Variants in DYRK3 observed in about 807,000 individuals in gnomAD.
The protein encoded by DYRK3 is dual specificity tyrosine-phosphorylation-regulated kinase 3.
DYRK3 carries 30 observed loss-of-function variants against 40.8 expected under a neutral mutation model. The observed-to-expected ratio is 0.74, with a 90% CI of 0.55 to 1.00. The LOEUF (loss-of-function observed/expected upper bound fraction) is 1.00, where lower values mean the gene tolerates loss of function less well. Ranked by LOEUF, DYRK3 falls within the 50% of genes least tolerant of loss-of-function variation. The probability of loss-of-function intolerance (pLI) is 0.00; values close to 1 mark genes in which losing one functional copy is unlikely to be tolerated. For synonymous variants in DYRK3, 272 were observed against 260.7 expected (o/e 1.04, Z -0.42); for missense variants, 699 against 731.5 (o/e 0.96, Z 0.51).
chr1:206,635,693 C>A lies in DYRK3; in HGVS notation c.-11C>A. ...TGGCGCCTCTCCCCGCGCGGGGTCC[C>A]GAGCTAGGAGATGGGAGGCACAGCT... On this transcript the variant is annotated 5_prime_UTR_variant, in exon 1 of 3. Coordinates refer to ENST00000367109, the MANE Select transcript of DYRK3 (RefSeq NM_003582.4). 8.0e-7 allele frequency: 1 copy of A among 1,246,038 alleles called. No individual in the cohort carries two copies. Among genetic ancestry groups the A allele is most frequent in the East Asian group, 3.2e-5 (1 of 31,732 alleles). 77.2% of individuals were successfully genotyped at this position (1,246,038 alleles called of 1,614,324 possible).
In DYRK3 at chr1:206,648,685, T is replaced by C. The variant is rs201089459; in HGVS notation, c.1487T>C (p.Ile496Thr). 6.2e-7 allele frequency: 1 copy of C among 1,614,054 alleles called. No homozygotes were observed. The highest frequency in any genetic ancestry group is 8.5e-7 in the Non-Finnish European group (1 of 1,179,958). The change falls in exon 3 of 3, where the codon ATA becomes ACA. Residue 496 changes from isoleucine (I) to threonine (T), a missense_variant. Ile to Thr is a moderately conservative substitution (Grantham distance 89). Coordinates refer to ENST00000367109, the MANE Select transcript of DYRK3 (RefSeq NM_003582.4). ...ALKGCDDYLF[I>T]EFLKRCLHWD... ...AAAGGGTGTGATGACTACTTGTTTA[T>C]AGAGTTCTTGAAAAGGTGTCTTCAC...
At chr1:206,645,093 T>C (rs1283358537) in intron 2 of DYRK3, among the ~76,000 whole-genome samples, 1 of 152,254 alleles carries the variant, frequency 6.6e-6, no homozygotes, top group Non-Finnish European at 1.5e-5. Flanking sequence ...GCAGGACTTT[T>C]ATAACTGAAT....
At position 206,650,532 on chromosome 1, in the gene DYRK3, ACT is replaced by A. The variant is rs1381879688; in HGVS notation, c.*1570_*1571del. Among the ~76,000 whole-genome samples, 2 of 152,178 alleles carry A rather than the reference ACT, an allele frequency of 1.3e-5. No individual in the cohort carries two copies. The highest frequency in any genetic ancestry group is 2.9e-5 in the Non-Finnish European group (2 of 68,034). On this transcript the variant is annotated 3_prime_UTR_variant, in exon 3 of 3. Transcript: ENST00000367109. ...ACTCCAGCCTAGGCAACAGAGTGAG[ACT>A]CTGTCTAAAAAACAAACCAAAAAAA...
In DYRK3 at chr1:206,649,037, T is replaced by C; in HGVS notation, c.*72T>C. ...CTTACAAACCTGCAAATGGAAAAAA[T>C]GCAAGCCCATTGGTGGATGTTTTTG... is the stretch of plus-strand genomic sequence containing the variant. On this transcript the variant is annotated 3_prime_UTR_variant, in exon 3 of 3. Transcript: ENST00000367109. 6.9e-7 allele frequency: 1 copy of C among 1,446,476 alleles called. No homozygotes were observed. The highest frequency in any genetic ancestry group is 9.2e-7 in the Non-Finnish European group (1 of 1,087,280). 89.6% of individuals were successfully genotyped at this position (1,446,476 alleles called of 1,614,324 possible).
intron 2 of DYRK3, among the ~76,000 whole-genome samples, chr1:206,645,719 G>T (rs1047635621): frequency 1.7e-4 from 26 of 151,272 alleles, no homozygotes; most frequent in African/African-American, 4.6e-4. Flanking sequence ...TAGAGGTGGG[G>T]TTTTGCCATG....
In DYRK3 at chr1:206,652,059, G is replaced by A. The variant is rs1337367035; in HGVS notation, c.*3094G>A. ...TCCAAGAGTGAATGCATTGGCCTTT[G>A]GAACTGCTGCTAAAGCCATGTGTGG... On this transcript the variant is annotated 3_prime_UTR_variant, in exon 3 of 3. Transcript: ENST00000367109. 6.6e-6 allele frequency among the ~76,000 whole-genome samples: 1 copy of A among 152,160 alleles called. No homozygotes were observed. The highest frequency in any genetic ancestry group is 1.5e-5 in the Non-Finnish European group (1 of 68,026).
rs1430043645 is a variant in DYRK3 at position 206,635,802 on chromosome 1, G to C, written c.77+22G>C. 5 of 1,243,388 alleles carry C rather than the reference G, an allele frequency of 4.0e-6. No homozygotes were observed. In the Admixed American group the frequency reaches 1.3e-4, roughly 31 times the overall value. The allele number at this position is 1,243,388 out of a possible 1,614,324, so 77.0% of individuals were successfully genotyped here. A position where few individuals can be genotyped will look rare whatever the true frequency, so the allele number is the denominator to read the frequency against. ...GGAGGTAACGGCGCCACGGGGTAAC[G>C]GGCTGGAGGCGCCACAGGGAGCGGC... On this transcript the variant is annotated intron_variant, in intron 1 of 2. Transcript: ENST00000367109.
rs782671806 is a variant in DYRK3, at chr1:206,648,907, T to C, written c.1709T>C (p.Met570Thr). 5 of 1,614,068 alleles carry C rather than the reference T, an allele frequency of 3.1e-6. No homozygotes were observed. The East Asian group carries it at 8.9e-5, about 29-fold the overall frequency. ...GIANKLKANL[M>T]SETNGSIPLC... ...GCCAATAAGCTTAAAGCTAACTTAATGTCAGAAACCAATGGTAGTATACCC... is the reference window on the plus strand; with the variant it reads ...GCCAATAAGCTTAAAGCTAACTTAACGTCAGAAACCAATGGTAGTATACCC... Residue 570 changes from methionine to threonine, a missense_variant, in exon 3 of 3, where the codon ATG becomes ACG. Met to Thr is a moderately conservative substitution (Grantham distance 81). Coordinates refer to ENST00000367109, the MANE Select transcript of DYRK3 (RefSeq NM_003582.4).
intron 2 of DYRK3, among the ~76,000 whole-genome samples, chr1:206,645,407 GTATCCTAGACTTCCTTTTATT>G (rs6143589): frequency 0.35 from 53,361 of 151,746 alleles, 9,915 homozygotes; most frequent in South Asian, 0.42. Flanking sequence ...GTTCTTTTAA[GTATCCTAGACTTCCTTTTATT>G]TATCCTAGAC....
intron 2 of DYRK3, among the ~76,000 whole-genome samples, chr1:206,644,231 C>T (rs1201587028): frequency 3.3e-5 from 5 of 151,678 alleles, no homozygotes; most frequent in African/African-American, 1.2e-4. Flanking sequence ...GATGGGGTTT[C>T]ACCATGTTGG....
intron 2 of DYRK3, among the ~76,000 whole-genome samples, chr1:206,639,950 T>C (rs1671238344): frequency 1.3e-5 from 2 of 148,158 alleles, no homozygotes; most frequent in Admixed American, 1.3e-4. Flanking sequence ...TTTTTTTTTT[T>C]TTGAGACCGA....
chr1:206,640,327 A>G (rs544329804), intron 2 of DYRK3, among the ~76,000 whole-genome samples: 1 of 152,132 alleles, frequency 6.6e-6, no homozygotes, highest in African/African-American at 2.4e-5. Flanking sequence ...CCATGACTCT[A>G]TCCCGAGATC....
intron 1 of DYRK3, chr1:206,636,932 C>T (rs1352319046): frequency 1.2e-6 from 2 of 1,613,192 alleles, no homozygotes; most frequent in African/African-American, 1.3e-5. Context: ...TAGAATTTTG[C>T]CTCCACCATC....
At chr1:206,647,301 T>G in intron 2 of DYRK3, 87 bp from the exon 3 acceptor site, 3 of 1,304,380 alleles carry the variant, frequency 2.3e-6, no homozygotes, top group Non-Finnish European at 3.2e-6. Context: ...TGACTGGACA[T>G]GTTTTGTTGT....
chr1:206,644,732 G>T (rs1671400016), intron 2 of DYRK3, among the ~76,000 whole-genome samples: 1 of 152,146 alleles, frequency 6.6e-6, no homozygotes, highest in Non-Finnish European at 1.5e-5. Context: ...TAGAGACAGG[G>T]TTTTGCCATG....
At chr1:206,644,749 A>C (rs1175309332) in intron 2 of DYRK3, among the ~76,000 whole-genome samples, 1 of 152,168 alleles carries the variant, frequency 6.6e-6, no homozygotes, top group Non-Finnish European at 1.5e-5. Flanking sequence ...CATGTTGGCC[A>C]TGCTGGTCTC....
rs1553420712 is a variant in DYRK3, at chr1:206,648,428, T to C, written c.1230T>C (p.Pro410=). Residue 410 remains proline, a synonymous_variant, in exon 3 of 3, where the codon CCT becomes CCC. Transcript: ENST00000367109. ...TTTTAACAGGACAGCCTCTCTTCCCTGGAGAGGATGAAGGAGACCAGTTGG... is the reference window on the plus strand; with the variant it reads ...TTTTAACAGGACAGCCTCTCTTCCCCGGAGAGGATGAAGGAGACCAGTTGG... ...AELLTGQPLF[P]GEDEGDQLAC... is the part of the protein sequence containing the mutation. 5.6e-6 allele frequency: 9 copies of C among 1,614,170 alleles called. No homozygotes were observed. The highest frequency in any genetic ancestry group is 7.6e-6 in the Non-Finnish European group (9 of 1,180,008).
chr1:206,653,281 G>A lies in DYRK3; in HGVS notation c.*4316G>A, dbSNP rs114411812. Among the ~76,000 whole-genome samples, 1,151 of 152,252 alleles carry A rather than the reference G, an allele frequency of 7.6e-3. 17 individuals are homozygous for A. The highest frequency in any genetic ancestry group is 0.026 in the African/African-American group (1,079 of 41,530). ...GATCCATGTGCCTTACCCTCTCAAA[G>A]TGCTGGGATTATAGGTGTGAGCGAC... is the stretch of plus-strand genomic sequence containing the variant. On this transcript the variant is annotated 3_prime_UTR_variant, in exon 3 of 3. Coordinates refer to ENST00000367109, the MANE Select transcript of DYRK3 (RefSeq NM_003582.4).
At chr1:206,641,927 T>C (rs1671302979) in intron 2 of DYRK3, among the ~76,000 whole-genome samples, 1 of 150,520 alleles carries the variant, frequency 6.6e-6, no homozygotes, top group African/African-American at 2.5e-5. Context: ...AATTGATAAA[T>C]GGGATCTAAT....
Sources: allele counts gnomAD v4.1 joint callset (sites outside exome capture counted in the v4.1 genomes callset), GRCh38; gene constraint gnomAD v4.1.1; transcripts MANE v1.5; gene names NCBI Gene and HGNC (gene_info 2026-07-23, HGNC 2026-07-21).